KALRN: variants seen among roughly 807,000 people sequenced by gnomAD.
The protein encoded by KALRN is kalirin.
A neutral mutation model predicts 353.7 loss-of-function variants in KALRN; 70 were observed. The ratio of observed to expected loss-of-function variants is 0.20; its 90% CI spans 0.16 to 0.24. The LOEUF is 0.24. KALRN is among the 10% of genes least tolerant of loss of function. KALRN has a pLI of 1.00. For missense variants in KALRN, 2,791 were observed against 3,756.7 expected (o/e 0.74, Z 6.72); for synonymous variants, 1,391 against 1,434.8 (o/e 0.97, Z 0.69).
At chr3:124,159,384 C>T (rs2069532175) in intron 1 of KALRN, among the ~76,000 whole-genome samples, 1 of 152,170 alleles carries the variant, frequency 6.6e-6, no homozygotes, top group African/African-American at 2.4e-5. Context: ...GACCCTCCTA[C>T]CTCAGCCCCC....
At chr3:124,332,280 CA>C (rs2080655581) in intron 8 of KALRN, among the ~76,000 whole-genome samples, 1 of 152,094 alleles carries the variant, frequency 6.6e-6, no homozygotes, top group East Asian at 1.9e-4. Flanking sequence ...CCTGGACCCC[CA>C]TCCAAGCTAT....
At chr3:124,368,528 A>G (rs2149769581) in intron 10 of KALRN, among the ~76,000 whole-genome samples, 1 of 146,258 alleles carries the variant, frequency 6.8e-6, no homozygotes, top group South Asian at 2.3e-4. Flanking sequence ...GGCACTCCTC[A>G]CTTCCTAGAT....
intron 55 of KALRN, among the ~76,000 whole-genome samples, chr3:124,699,283 C>A (rs1033106513): frequency 1.3e-5 from 2 of 152,160 alleles, no homozygotes; most frequent in East Asian, 3.8e-4. Flanking sequence ...TAACTAAGTT[C>A]TCTTGGGCAA....
At chr3:124,612,068 A>T (rs142031274) in intron 34 of KALRN, among the ~76,000 whole-genome samples, 2 of 152,316 alleles carry the variant, frequency 1.3e-5, no homozygotes, top group Non-Finnish European at 2.9e-5. Context: ...CTTGTAGCTC[A>T]GGCTGGAGGG....
chr3:124,557,264 CA>C (rs2071380620), intron 33 of KALRN, among the ~76,000 whole-genome samples: 1 of 151,908 alleles, frequency 6.6e-6, no homozygotes, highest in African/African-American at 2.4e-5. Flanking sequence ...AGTATTGGGG[CA>C]GGGGGGCGGT....
intron 1 of KALRN, among the ~76,000 whole-genome samples, chr3:124,188,370 G>C (rs2074485569): frequency 6.6e-6 from 1 of 152,164 alleles, no homozygotes; most frequent in African/African-American, 2.4e-5. Flanking sequence ...GGTGCGCAAG[G>C]GTGGTGGAGG....
At chr3:124,189,448 C>A (rs2074629780) in intron 1 of KALRN, among the ~76,000 whole-genome samples, 1 of 152,146 alleles carries the variant, frequency 6.6e-6, no homozygotes. Flanking sequence ...GTGGAAATAC[C>A]CCTCTCTCTG....
chr3:124,370,458 C>T (rs9866244), intron 10 of KALRN, among the ~76,000 whole-genome samples: 30,822 of 152,156 alleles, frequency 0.2, 3,391 homozygotes, highest in African/African-American at 0.29. Context: ...TCATAGTAAA[C>T]AAATATTATC....
chr3:124,705,460 C>T (rs575535178), intron 57 of KALRN, among the ~76,000 whole-genome samples: 94 of 152,112 alleles, frequency 6.2e-4, no homozygotes, highest in African/African-American at 2.2e-3. Flanking sequence ...GTGAGTCAGT[C>T]AGTCATGGGG....
intron 33 of KALRN, among the ~76,000 whole-genome samples, chr3:124,511,978 G>A (rs902652062): frequency 3.3e-5 from 5 of 152,184 alleles, no homozygotes; most frequent in Non-Finnish European, 5.9e-5. Context: ...ATGAACACAG[G>A]CTTATGATTG....
intron 1 of KALRN, among the ~76,000 whole-genome samples, chr3:124,189,687 C>T (rs979275151): frequency 6.6e-6 from 1 of 152,108 alleles, no homozygotes; most frequent in Non-Finnish European, 1.5e-5. Flanking sequence ...TGCCTATAAT[C>T]CTAGCACCTT....
chr3:124,246,932 G>A (rs537767377), intron 3 of KALRN, among the ~76,000 whole-genome samples: 1 of 152,286 alleles, frequency 6.6e-6, no homozygotes, highest in East Asian at 1.9e-4. Context: ...GGAAAAGGAT[G>A]TGTTTTTCAG....
chr3:124,071,528 T>G (rs1690581518), intron 1 of KALRN, among the ~76,000 whole-genome samples: 1 of 152,154 alleles, frequency 6.6e-6, no homozygotes, highest in Non-Finnish European at 1.5e-5. Context: ...AAATACCTGG[T>G]ACTTGGTAAT....
intron 56 of KALRN, among the ~76,000 whole-genome samples, chr3:124,701,277 C>T (rs1445317626): frequency 6.6e-6 from 1 of 152,188 alleles, no homozygotes; most frequent in Non-Finnish European, 1.5e-5. Flanking sequence ...AAAGAATCTA[C>T]TCAGGCATAT....
intron 1 of KALRN, among the ~76,000 whole-genome samples, chr3:124,205,148 C>A (rs1238743094): frequency 6.6e-6 from 1 of 152,134 alleles, no homozygotes; most frequent in Non-Finnish European, 1.5e-5. Context: ...GGCAATGTTT[C>A]CAGGGAAGAA....
intron 21 of KALRN, among the ~76,000 whole-genome samples, chr3:124,451,058 C>T (rs1162998007): frequency 2.0e-5 from 3 of 151,876 alleles, no homozygotes; most frequent in Non-Finnish European, 2.9e-5. Context: ...ATCAATATTC[C>T]TTATTATTAT....
chr3:124,659,621 C>G (rs547204020), intron 43 of KALRN, among the ~76,000 whole-genome samples, 164 bp downstream of exon 43: 1 of 152,244 alleles, frequency 6.6e-6, no homozygotes, highest in South Asian at 2.1e-4. Context: ...TATCTGACTG[C>G]TGGTTACTCT....
intron 10 of KALRN, among the ~76,000 whole-genome samples, chr3:124,369,894 G>A (rs80226690): frequency 4.6e-5 from 7 of 151,926 alleles, no homozygotes; most frequent in East Asian, 3.9e-4. Flanking sequence ...GGCATATCCC[G>A]CTTAGCATAA....
chr3:124,170,831 C>CTTTTTTTTTTTTTT (rs752783614), intron 1 of KALRN, among the ~76,000 whole-genome samples: 3 of 47,118 alleles, frequency 6.4e-5, no homozygotes, highest in African/African-American at 8.0e-5. Flanking sequence ...CTTCCACATT[C>CTTTTTTTTTTTTTT]TTTTTTTTTT....
Sources: gnomAD v4.1 joint callset for allele counts (sites outside exome capture counted in the v4.1 genomes callset) on GRCh38, gnomAD v4.1.1 for gene constraint, MANE v1.5 for transcripts, NCBI Gene and HGNC (gene_info 2026-07-23, HGNC 2026-07-21) for gene names.